Variants in DPP10 observed in about 807,000 individuals in gnomAD.
DPP10 encodes the protein dipeptidyl peptidase like 10, also known as inactive dipeptidyl peptidase 10.
DPP10 carries 33 observed loss-of-function variants against 120.9 expected under a neutral mutation model. The observed-to-expected ratio is 0.27, with a 90% CI of 0.21 to 0.37. The LOEUF (loss-of-function observed/expected upper bound fraction) is 0.37, where lower values mean the gene tolerates loss of function less well. DPP10 is among the 10% of genes least tolerant of loss of function. DPP10 has a pLI of 1.00. For synonymous variants in DPP10, 337 were observed against 326.1 expected, an observed-to-expected ratio of 1.03 and a Z score of -0.36; for missense variants, 816 against 942.8, an observed-to-expected ratio of 0.87 and a Z score of 1.76.
intron 3 of DPP10, among the ~76,000 whole-genome samples, chr2:115,382,977 AG>A (rs1387775440): frequency 2.0e-5 from 3 of 152,214 alleles, no homozygotes; most frequent in Non-Finnish European, 2.9e-5. Context: ...ATTTCTGCAC[AG>A]GGGGTGCCAT....
rs1344153257 is a variant in DPP10 at position 115,766,312 on chromosome 2, ATATATATATATATGTATATATATATG to A, written c.1114-1971_1114-1946del. On this transcript the variant is annotated intron_variant, in intron 12 of 25. Coordinates refer to ENST00000410059, the MANE Select transcript of DPP10 (RefSeq NM_020868.6). Reference sequence around the variant, plus strand: ...TGTGTGTGTGTGTGTGTGTGTGTGTATATATATATATATGTATATATATATGTATATATATATATATATCACTCTAT... The same window carrying A: ...TGTGTGTGTGTGTGTGTGTGTGTGTATATATATATATATATATCACTCTAT... Among the ~76,000 whole-genome samples, 590 of 68,432 alleles carry A rather than the reference ATATATATATATATGTATATATATATG, an allele frequency of 8.6e-3. 17 individuals carry two copies. The highest frequency in any genetic ancestry group is 0.037 in the African/African-American group (568 of 15,154). The allele number at this position is 68,432 out of a possible 152,430, so 44.9% of individuals were successfully genotyped here. A position where few individuals can be genotyped will look rare whatever the true frequency, so the allele number is the denominator to read the frequency against.
chr2:114,967,170 G>A (rs1467636158), intron 1 of DPP10, among the ~76,000 whole-genome samples: 1 of 152,142 alleles, frequency 6.6e-6, no homozygotes, highest in Non-Finnish European at 1.5e-5. Flanking sequence ...GGGATATAAA[G>A]TTGAGCCAAC....
chr2:115,819,461 AT>A (rs1687590483), intron 21 of DPP10, among the ~76,000 whole-genome samples: 2 of 151,858 alleles, frequency 1.3e-5, no homozygotes, highest in Non-Finnish European at 1.5e-5. Flanking sequence ...TCTTGCTCTC[AT>A]TTGCACTCAT....
chr2:115,179,213 A>C (rs1470598565), intron 1 of DPP10, among the ~76,000 whole-genome samples: 1 of 152,218 alleles, frequency 6.6e-6, no homozygotes, highest in Non-Finnish European at 1.5e-5. Context: ...TTAAGGAAAC[A>C]ATAAAATAAT....
At chr2:114,869,821 C>G (rs1383054188) in intron 1 of DPP10, among the ~76,000 whole-genome samples, 1 of 152,174 alleles carries the variant, frequency 6.6e-6, no homozygotes, top group Admixed American at 6.5e-5. Flanking sequence ...AGAAATGAAG[C>G]AGTTTAAGGG....
At position 115,777,345 on chromosome 2, in the gene DPP10, A is replaced by T. The variant is rs115184942; in HGVS notation, c.1313+46A>T. 1,144 of 1,514,194 alleles carry T rather than the reference A, an allele frequency of 7.6e-4. 9 individuals are homozygous for T. The African/African-American group carries it at 0.014, about 18-fold the overall frequency. 93.8% of individuals were successfully genotyped at this position (1,514,194 alleles called of 1,614,324 possible). ...AGTCAGGCTGCAAGTTAGCGTTGTC[A>T]AATGCCATCTTTTCTAATAGAATTA... On this transcript the variant is annotated intron_variant, in intron 14 of 25. Coordinates refer to ENST00000410059, the MANE Select transcript of DPP10 (RefSeq NM_020868.6).
At chr2:115,730,090 G>A (rs2092867678) in intron 8 of DPP10, among the ~76,000 whole-genome samples, 1 of 152,120 alleles carries the variant, frequency 6.6e-6, no homozygotes. Context: ...TTCAAGTAAG[G>A]GAGTGACAAG....
At chr2:114,824,180 A>T (rs1431048162) in intron 1 of DPP10, among the ~76,000 whole-genome samples, 2 of 152,336 alleles carry the variant, frequency 1.3e-5, no homozygotes, top group East Asian at 3.9e-4. Flanking sequence ...GGATGAGCTC[A>T]AATCAGTCTG....
intron 5 of DPP10, among the ~76,000 whole-genome samples, chr2:115,560,174 T>C (rs1263282639): frequency 6.7e-6 from 1 of 150,074 alleles, no homozygotes; most frequent in African/African-American, 2.5e-5. Context: ...ATCGAGACCA[T>C]CCTGGCTAAC....
At chr2:115,836,604 T>G in intron 23 of DPP10, 39 bp downstream of exon 23, 1 of 1,610,208 alleles carries the variant, frequency 6.2e-7, no homozygotes, top group Non-Finnish European at 8.5e-7. Context: ...AGGAGTATTT[T>G]TGTTCTAAAA....
intron 21 of DPP10, among the ~76,000 whole-genome samples, chr2:115,828,263 A>G (rs1034818182): frequency 6.6e-6 from 1 of 151,946 alleles, no homozygotes; most frequent in Non-Finnish European, 1.5e-5. Flanking sequence ...TTTCCTCTGT[A>G]TACAACGCAT....
intron 3 of DPP10, among the ~76,000 whole-genome samples, chr2:115,350,120 T>C (rs1406175966): frequency 2.0e-5 from 3 of 152,088 alleles, no homozygotes; most frequent in African/African-American, 7.2e-5. Flanking sequence ...AGGTATATGG[T>C]CAAATAAATC....
At chr2:114,562,865 A>G (rs749874982) in intron 1 of DPP10, among the ~76,000 whole-genome samples, 12 of 152,234 alleles carry the variant, frequency 7.9e-5, no homozygotes, top group Non-Finnish European at 1.8e-4. Flanking sequence ...ATGTTAAAAA[A>G]GAAAATTTGG....
intron 1 of DPP10, among the ~76,000 whole-genome samples, chr2:115,136,166 A>C (rs943944450): frequency 2.2e-4 from 2 of 8,996 alleles, no homozygotes; most frequent in Admixed American, 2.9e-3. Context: ...TTTATGCTGA[A>C]AAAAAAAACA....
rs528431496 is a variant in DPP10, at chr2:115,811,871, C to A, written c.1701-2922C>A. Among the ~76,000 whole-genome samples the A allele has an allele frequency of 3.9e-5, 6 of 152,268 alleles. No homozygotes were observed. The South Asian group carries it at 1.0e-3, about 26-fold the overall frequency. On this transcript the variant is annotated intron_variant, in intron 19 of 25. Transcript: ENST00000410059. ...AGATATTGTGCATTTAATTACTGTA[C>A]AACTAGCCGAAATTCTTTATATAGT...
At chr2:115,508,719 A>T (rs2077076023) in intron 4 of DPP10, among the ~76,000 whole-genome samples, 1 of 152,144 alleles carries the variant, frequency 6.6e-6, no homozygotes, top group South Asian at 2.1e-4. Flanking sequence ...CCTGGCCAAC[A>T]TGGCGAAACC....
At chr2:115,800,796 C>A (rs1685133460) in intron 19 of DPP10, among the ~76,000 whole-genome samples, 1 of 152,044 alleles carries the variant, frequency 6.6e-6, no homozygotes, top group African/African-American at 2.4e-5. Flanking sequence ...TGGTCTATAT[C>A]TCTGTTTTGG....
intron 19 of DPP10, among the ~76,000 whole-genome samples, chr2:115,811,140 A>G (rs1399026613): frequency 6.6e-6 from 1 of 152,196 alleles, no homozygotes; most frequent in Admixed American, 6.5e-5. Context: ...TATAATGCCA[A>G]TGATTAGCAT....
intron 1 of DPP10, among the ~76,000 whole-genome samples, chr2:115,247,270 A>T (rs2105629801): frequency 6.6e-6 from 1 of 152,236 alleles, no homozygotes; most frequent in Non-Finnish European, 1.5e-5. Flanking sequence ...TGTCCTCATC[A>T]TTGAGCTACA....
Sources: gnomAD v4.1 joint callset for allele counts (sites outside exome capture counted in the v4.1 genomes callset) on GRCh38, gnomAD v4.1.1 for gene constraint, MANE v1.5 for transcripts, NCBI Gene and HGNC (gene_info 2026-07-23, HGNC 2026-07-21) for gene names.